Variants in CACNA2D3 observed in about 807,000 individuals in gnomAD.
CACNA2D3 encodes calcium voltage-gated channel auxiliary subunit alpha2delta 3, also known as voltage-dependent calcium channel subunit alpha-2/delta-3.
CACNA2D3 carries 60 observed loss-of-function variants against 160.6 expected under a neutral mutation model. The ratio of observed to expected loss-of-function variants is 0.37; its 90% confidence interval spans 0.30 to 0.46. The LOEUF is 0.46. Among genes scored for constraint, CACNA2D3 ranks in the 20% least tolerant of loss-of-function variants. CACNA2D3 has a pLI of 1.00. For missense variants in CACNA2D3, 1,205 were observed against 1,365.0 expected, an observed-to-expected ratio of 0.88 and a Z score of 1.85; for synonymous variants, 558 against 492.9, an observed-to-expected ratio of 1.13 and a Z score of -1.75.
At chr3:54,676,056 C>T (rs749122583) in intron 11 of CACNA2D3, among the ~76,000 whole-genome samples, 8 of 152,168 alleles carry the variant, frequency 5.3e-5, no homozygotes, top group Admixed American at 2.6e-4. Flanking sequence ...AGTGCAATCA[C>T]GAGCTGACCA....
chr3:54,653,337 C>T (rs984330912), intron 11 of CACNA2D3, among the ~76,000 whole-genome samples: 1 of 152,190 alleles, frequency 6.6e-6, no homozygotes, highest in African/African-American at 2.4e-5. Flanking sequence ...TGACATTTCT[C>T]TCTTCTCTTT....
At chr3:54,531,160 C>T (rs1575506369) in intron 5 of CACNA2D3, among the ~76,000 whole-genome samples, 2 of 152,246 alleles carry the variant, frequency 1.3e-5, no homozygotes, top group Admixed American at 1.3e-4. Flanking sequence ...GTGGGAACAG[C>T]TGACATGCTC....
intron 4 of CACNA2D3, among the ~76,000 whole-genome samples, chr3:54,466,152 T>C (rs1421899591): frequency 6.6e-6 from 1 of 152,226 alleles, no homozygotes; most frequent in Non-Finnish European, 1.5e-5. Flanking sequence ...GTCAACTGAC[T>C]CAAGACTTTA....
At position 55,004,755 on chromosome 3, in the gene CACNA2D3, T is replaced by C. The variant is rs1703054601; in HGVS notation, c.2691-8T>C. The C allele has an allele frequency of 6.2e-7, 1 of 1,607,786 alleles. No individual in the cohort carries two copies. The highest frequency in any genetic ancestry group is 1.7e-5 in the Admixed American group (1 of 59,800). ...TTAGTGAAGCTCCCTTCCATTTCTT[T>C]CCTGTAGAATTACCCTTTATGACTA... On this transcript the variant is annotated splice_polypyrimidine_tract_variant and splice_region_variant and intron_variant, in intron 31 of 37. Transcript: ENST00000474759.
chr3:54,491,933 T>C (rs762408388), intron 4 of CACNA2D3, among the ~76,000 whole-genome samples: 5 of 152,190 alleles, frequency 3.3e-5, no homozygotes, highest in South Asian at 2.1e-4. Flanking sequence ...GGTTGAGATA[T>C]AGACCTGGAA....
chr3:54,795,902 A>G (rs80041095), intron 13 of CACNA2D3, among the ~76,000 whole-genome samples: 244 of 152,370 alleles, frequency 1.6e-3, no homozygotes, highest in East Asian at 7.9e-3. Flanking sequence ...AAATACACAT[A>G]GATTTCAAAA....
chr3:54,671,298 T>C (rs1467096685), intron 11 of CACNA2D3, among the ~76,000 whole-genome samples: 1 of 151,934 alleles, frequency 6.6e-6, no homozygotes, highest in Admixed American at 6.6e-5. Context: ...AGTTGGTCTG[T>C]ACTCCTACCC....
Position 54,726,405 on chromosome 3 carries a change from A to G in CACNA2D3, c.1168-26194A>G, listed in dbSNP as rs553355326. Among the ~76,000 whole-genome samples, 110 of 152,268 alleles carry G rather than the reference A, an allele frequency of 7.2e-4. No homozygotes were observed. In the Middle Eastern group the frequency reaches 0.017, roughly 24 times the overall value. On this transcript the variant is annotated intron_variant, in intron 11 of 37. Coordinates refer to ENST00000474759, the MANE Select transcript of CACNA2D3 (RefSeq NM_018398.3). ...CTGACTTTATTCACAGAATTGGAAA[A>G]AACTACTTTAAACTTCATATGCAAC... is the stretch of plus-strand genomic sequence containing the variant.
At chr3:54,686,226 G>A (rs75276932) in intron 11 of CACNA2D3, among the ~76,000 whole-genome samples, 2 of 152,152 alleles carry the variant, frequency 1.3e-5, no homozygotes, top group East Asian at 3.8e-4. Context: ...ATTGTCTGTG[G>A]CTGCTTTTTC....
At chr3:54,923,101 C>G (rs1700900502) in intron 27 of CACNA2D3, among the ~76,000 whole-genome samples, 1 of 152,152 alleles carries the variant, frequency 6.6e-6, no homozygotes, top group Non-Finnish European at 1.5e-5. Context: ...TTCGTCAGTT[C>G]TCCCAAGAGT....
At chr3:54,222,193 T>G (rs2107379040) in intron 2 of CACNA2D3, among the ~76,000 whole-genome samples, 2 of 152,338 alleles carry the variant, frequency 1.3e-5, no homozygotes, top group East Asian at 3.9e-4. Flanking sequence ...CTGACAAGTT[T>G]CAAGATCTGC....
intron 13 of CACNA2D3, among the ~76,000 whole-genome samples, chr3:54,811,288 C>G (rs993934199): frequency 6.6e-6 from 1 of 152,050 alleles, no homozygotes; most frequent in Non-Finnish European, 1.5e-5. Context: ...CCATAGTCAT[C>G]TTCTCAGTAA....
At chr3:55,058,339 A>C (rs545726089) in intron 35 of CACNA2D3, among the ~76,000 whole-genome samples, 2 of 152,362 alleles carry the variant, frequency 1.3e-5, no homozygotes, top group East Asian at 3.9e-4. Flanking sequence ...TATTTCAGTC[A>C]GCAAAAATGT....
chr3:54,489,238 A>G (rs1478701900), intron 4 of CACNA2D3, among the ~76,000 whole-genome samples: 1 of 152,132 alleles, frequency 6.6e-6, no homozygotes, highest in African/African-American at 2.4e-5. Context: ...TCAGGTTGGT[A>G]TTTCTGGAAG....
At chr3:55,040,169 G>T (rs1703926420) in intron 35 of CACNA2D3, among the ~76,000 whole-genome samples, 1 of 152,058 alleles carries the variant, frequency 6.6e-6, no homozygotes, top group South Asian at 2.1e-4. Context: ...TCTTAGGAGA[G>T]CATGTATTCC....
intron 2 of CACNA2D3, among the ~76,000 whole-genome samples, chr3:54,209,100 AATT>A (rs1253330785): frequency 6.6e-6 from 1 of 152,082 alleles, no homozygotes; most frequent in Non-Finnish European, 1.5e-5. Context: ...AACATGGGGG[AATT>A]ATGGGAGCTA....
intron 4 of CACNA2D3, among the ~76,000 whole-genome samples, chr3:54,471,330 A>G (rs1185181693): frequency 6.6e-6 from 1 of 152,238 alleles, no homozygotes; most frequent in Non-Finnish European, 1.5e-5. Context: ...CAAGGCAGAA[A>G]TATATAAGTT....
chr3:54,965,800 C>T (rs1488171569), intron 27 of CACNA2D3, among the ~76,000 whole-genome samples: 2 of 152,196 alleles, frequency 1.3e-5, no homozygotes, highest in Non-Finnish European at 2.9e-5. Context: ...AGAACAATTG[C>T]AGCCAGGACT....
chr3:54,983,200 C>T (rs1702544407), intron 29 of CACNA2D3, among the ~76,000 whole-genome samples: 4 of 152,174 alleles, frequency 2.6e-5, no homozygotes, highest in Non-Finnish European at 5.9e-5. Flanking sequence ...GAAGAACTTT[C>T]CACAATGATA....
Sources: gnomAD v4.1 joint callset for allele counts (sites outside exome capture counted in the v4.1 genomes callset) on GRCh38, gnomAD v4.1.1 for gene constraint, MANE v1.5 for transcripts, NCBI Gene and HGNC (gene_info 2026-07-23, HGNC 2026-07-21) for gene names.